The following GALNT17 variants were observed in gnomAD, a reference collection of about 807,000 sequenced individuals.
GALNT17 encodes UDP-GalNAc:polypeptide N-acetylgalactosaminyltransferase-like 3.
In GALNT17, 29 loss-of-function variants were observed where a neutral mutation model predicts 63.7. The ratio of observed to expected loss-of-function variants is 0.46; its 90% confidence interval spans 0.34 to 0.62. The LOEUF is 0.62. Ranked by LOEUF, GALNT17 falls within the 20% of genes least tolerant of loss-of-function variation. The pLI is 0.01. For synonymous variants in GALNT17, 305 were observed against 318.3 expected, an observed-to-expected ratio of 0.96 and a Z score of 0.45; for missense variants, 603 against 799.6, an observed-to-expected ratio of 0.75 and a Z score of 2.97.
chr7:71,396,503 C>G (rs1390294593), intron 3 of GALNT17, among the ~76,000 whole-genome samples: 1 of 152,140 alleles, frequency 6.6e-6, no homozygotes, highest in East Asian at 1.9e-4. Context: ...CATGATCACA[C>G]TGTCTTGATA....
rs1273541063 is a variant in GALNT17, at chr7:71,569,553, ATTTG to A, written c.963-1725_963-1722del. ...TATTTGATTTTCTGTTCCTGCATTA[ATTTG>A]TTTGTTAGCTCGGCCAGAAGATGCA... On this transcript the variant is annotated intron_variant, in intron 5 of 10. Transcript: ENST00000333538. 2.0e-5 allele frequency among the ~76,000 whole-genome samples: 3 copies of A among 152,186 alleles called. No homozygotes were observed. The East Asian group carries it at 5.8e-4, about 29-fold the overall frequency.
chr7:71,563,638 G>C (rs1367132267), intron 5 of GALNT17, among the ~76,000 whole-genome samples: 2 of 152,038 alleles, frequency 1.3e-5, no homozygotes, highest in Non-Finnish European at 2.9e-5. Context: ...ACCCAGGCTG[G>C]AGTACAGTGG....
chr7:71,475,489 A>G (rs1787708168), intron 5 of GALNT17, among the ~76,000 whole-genome samples: 1 of 152,142 alleles, frequency 6.6e-6, no homozygotes, highest in Admixed American at 6.5e-5. Context: ...TTCTGCGTCC[A>G]TAAGAATCTA....
chr7:71,348,507 C>G (rs1255418596), intron 2 of GALNT17, among the ~76,000 whole-genome samples: 1 of 152,098 alleles, frequency 6.6e-6, no homozygotes, highest in Non-Finnish European at 1.5e-5. Flanking sequence ...AATTTGAAAC[C>G]AGTGGATAGA....
intron 5 of GALNT17, among the ~76,000 whole-genome samples, chr7:71,546,573 C>T (rs990612962): frequency 6.6e-6 from 1 of 152,166 alleles, no homozygotes; most frequent in Non-Finnish European, 1.5e-5. Flanking sequence ...ACCATCTGAA[C>T]GTCAAAGGGA....
At chr7:71,458,796 CCTT>C (rs1466914321) in intron 5 of GALNT17, among the ~76,000 whole-genome samples, 3 of 152,170 alleles carry the variant, frequency 2.0e-5, no homozygotes, top group Admixed American at 6.5e-5. Context: ...TTCAGACGCT[CCTT>C]CTTTTCTCTC....
chr7:71,616,042 G>A (rs1236216421), intron 6 of GALNT17, among the ~76,000 whole-genome samples: 1 of 151,936 alleles, frequency 6.6e-6, no homozygotes, highest in South Asian at 2.1e-4. Flanking sequence ...TTAGTTGGGC[G>A]AGACTGAGTG....
chr7:71,297,128 C>G, intron 1 of GALNT17, among the ~76,000 whole-genome samples: 1 of 152,208 alleles, frequency 6.6e-6, no homozygotes, highest in East Asian at 1.9e-4. Context: ...AAGAAAACAA[C>G]TCTCCAGGTT....
rs551225430 is a variant in GALNT17 at position 71,572,510 on chromosome 7, A to AC, written c.1080+1108_1080+1109insC. 7.4e-3 allele frequency among the ~76,000 whole-genome samples: 813 copies of AC among 110,006 alleles called. 28 individuals are homozygous for AC. Among genetic ancestry groups the AC allele is most frequent in the East Asian group, 0.059 (222 of 3,790 alleles). 72.2% of individuals were successfully genotyped at this position (110,006 alleles called of 152,430 possible). On this transcript the variant is annotated intron_variant, in intron 6 of 10. Transcript: ENST00000333538. ...GAGCAAGACCCTGTCTCATTAAAAA[A>AC]AAAAAAAAAAAAAAAAAAAACTACA...
chr7:71,694,776 A>G (rs1443276563), intron 9 of GALNT17, among the ~76,000 whole-genome samples: 1 of 152,234 alleles, frequency 6.6e-6, no homozygotes. Context: ...ATCATTAAGT[A>G]GCAGAGCCTG....
intron 1 of GALNT17, among the ~76,000 whole-genome samples, chr7:71,333,870 A>G (rs1178261921): frequency 2.6e-5 from 4 of 152,228 alleles, no homozygotes; most frequent in Admixed American, 2.0e-4. Context: ...GTAATGTTGC[A>G]TCACAAGTGA....
At chr7:71,626,149 C>G (rs1055533705) in intron 6 of GALNT17, among the ~76,000 whole-genome samples, 2 of 150,954 alleles carry the variant, frequency 1.3e-5, no homozygotes, top group Middle Eastern at 3.2e-3. Context: ...GAGGCTGAGG[C>G]AGGGGAATCA....
chr7:71,316,286 T>A (rs1395324103), intron 1 of GALNT17, among the ~76,000 whole-genome samples: 1 of 109,218 alleles, frequency 9.2e-6, no homozygotes, highest in East Asian at 4.2e-4. Context: ...GATCTGTGGA[T>A]CTGATCAGAG....
At chr7:71,235,131 G>A (rs1251946085) in intron 1 of GALNT17, among the ~76,000 whole-genome samples, 8 of 151,858 alleles carry the variant, frequency 5.3e-5, no homozygotes, top group African/African-American at 1.9e-4. Context: ...TGCGCCTGTA[G>A]TCCCAGCTAC....
At position 71,528,159 on chromosome 7, in the gene GALNT17, A is replaced by C. The variant is rs528544782; in HGVS notation, c.963-43126A>C. 2.6e-5 allele frequency among the ~76,000 whole-genome samples: 4 copies of C among 152,300 alleles called. No individual in the cohort carries two copies. The South Asian group carries it at 8.3e-4, about 32-fold the overall frequency. On this transcript the variant is annotated intron_variant, in intron 5 of 10. Transcript: ENST00000333538. ...TTTGATATCATCTTGTTTTGTTACT[A>C]TCTAAAAAGCAGACAAAATGGGCTG...
chr7:71,602,536 C>T (rs776000878), intron 6 of GALNT17, among the ~76,000 whole-genome samples: 1 of 152,188 alleles, frequency 6.6e-6, no homozygotes, highest in Non-Finnish European at 1.5e-5. Flanking sequence ...ATTGACTCTA[C>T]GTGTTACTGT....
intron 9 of GALNT17, among the ~76,000 whole-genome samples, chr7:71,698,762 A>G (rs1791581786): frequency 6.6e-6 from 1 of 152,172 alleles, no homozygotes; most frequent in African/African-American, 2.4e-5. Flanking sequence ...AAGTACAAAT[A>G]TATCATTAAT....
chr7:71,150,874 T>G (rs1362810773), intron 1 of GALNT17, among the ~76,000 whole-genome samples: 1 of 151,232 alleles, frequency 6.6e-6, no homozygotes, highest in Non-Finnish European at 1.5e-5. Context: ...GGCCCGGTAG[T>G]GTGTGCCTGT....
chr7:71,393,574 T>C (rs10236528), intron 3 of GALNT17, among the ~76,000 whole-genome samples: 1 of 151,548 alleles, frequency 6.6e-6, no homozygotes, highest in Non-Finnish European at 1.5e-5. Flanking sequence ...TATTAAAAAA[T>C]CTCTGCAAAC....
Sources: allele counts gnomAD v4.1 joint callset (sites outside exome capture counted in the v4.1 genomes callset), GRCh38; gene constraint gnomAD v4.1.1; transcripts MANE v1.5; gene names NCBI Gene and HGNC (gene_info 2026-07-23, HGNC 2026-07-21).